MYH1: variants seen among roughly 807,000 people sequenced by gnomAD.
MYH1 encodes the protein myosin-1.
Under a neutral mutation model 225.6 loss-of-function variants are expected in MYH1, and 214 were observed. The observed-to-expected ratio is 0.95, with a 90% CI of 0.85 to 1.06. The LOEUF (loss-of-function observed/expected upper bound fraction) is 1.06, where lower values mean the gene tolerates loss of function less well. Ranked by LOEUF, MYH1 falls within the 50% of genes least tolerant of loss-of-function variation. The probability of loss-of-function intolerance (pLI) is 0.00; values close to 1 mark genes in which losing one functional copy is unlikely to be tolerated. For synonymous variants in MYH1, 774 were observed against 842.3 expected (o/e 0.92, Z 1.40); for missense variants, 2,098 against 2,344.2 (o/e 0.89, Z 2.17).
chr17:10,496,036 T>C lies in MYH1; in HGVS notation c.5083A>G (p.Thr1695Ala). The C allele has an allele frequency of 6.2e-7, 1 of 1,614,044 alleles. No individual in the cohort carries two copies. The highest frequency in any genetic ancestry group is 8.5e-7 in the Non-Finnish European group (1 of 1,179,986). Residue 1695 changes from threonine to alanine, a missense_variant, in exon 35 of 40, where the codon ACT (threonine) becomes GCT (alanine). By Grantham distance (58) the Thr-to-Ala change is moderately conservative. Transcript: ENST00000226207. ...CTGCTCCTCTCTGTCTGTTCCAGAG[T>C]GGCCCGCAGCTCCTCGATCTCAGCC... Reference protein sequence around the residue: ...LQAEIEELRATLEQTERSRKI... With the variant: ...LQAEIEELRAALEQTERSRKI...
chr17:10,500,762 A>G lies in MYH1; in HGVS notation c.3739-10T>C. On this transcript the variant is annotated splice_polypyrimidine_tract_variant and intron_variant, in intron 27 of 39. Coordinates refer to ENST00000226207, the MANE Select transcript of MYH1 (RefSeq NM_005963.4). ...TCTTTTCAAGGTTTCCCTGCATTCAAAAAGTGGTAGAAGGCATCTCAAGTA... is the reference window on the plus strand; with the variant it reads ...TCTTTTCAAGGTTTCCCTGCATTCAGAAAGTGGTAGAAGGCATCTCAAGTA... 2 of 1,614,142 alleles carry G rather than the reference A, an allele frequency of 1.2e-6. No individual in the cohort carries two copies. Among genetic ancestry groups the G allele is most frequent in the Non-Finnish European group, 8.5e-7 (1 of 1,180,010 alleles).
rs770685567 is a variant in MYH1, at chr17:10,512,005, TG to T, written c.1267-18del. The T allele has an allele frequency of 9.4e-5, 151 of 1,614,014 alleles. No individual in the cohort carries two copies. Among genetic ancestry groups the T allele is most frequent in the Non-Finnish European group, 1.2e-4 (140 of 1,180,018 alleles). On this transcript the variant is annotated intron_variant, in intron 13 of 39. Coordinates refer to ENST00000226207, the MANE Select transcript of MYH1 (RefSeq NM_005963.4). ...ATTGTACACCTTCACAGATAAAGTTTGTTGGTGTTATTAAAGACATGTCATG... is the reference window on the plus strand; with the variant it reads ...ATTGTACACCTTCACAGATAAAGTTTTTGGTGTTATTAAAGACATGTCATG...
chr17:10,517,456 AT>A (rs1323323184), intron 2 of MYH1, among the ~76,000 whole-genome samples: 2 of 152,130 alleles, frequency 1.3e-5, no homozygotes, highest in African/African-American at 2.4e-5. Flanking sequence ...TATTATTAAC[AT>A]TTTTATAACA....
At chr17:10,501,968 G>A in intron 24 of MYH1, 57 bp from the exon 25 acceptor site, 1 of 1,515,692 alleles carries the variant, frequency 6.6e-7, no homozygotes, top group Non-Finnish European at 8.9e-7. Flanking sequence ...TTTTGTCCCA[G>A]ATGAAATTTT....
Position 10,512,506 on chromosome 17 carries a change from A to G in MYH1, c.1049T>C (p.Val350Ala). 6.2e-7 allele frequency: 1 copy of G among 1,614,004 alleles called. No individual in the cohort carries two copies. Among genetic ancestry groups the G allele is most frequent in the Non-Finnish European group, 8.5e-7 (1 of 1,179,964 alleles). ...EILGFTSDER[V>A]SIYKLTGAVM... ...AGCCCCTGTGAGCTTATAGATGGAC[A>G]CTCTTTCATCTGAAGTAAAGCCCAG... Residue 350 changes from valine to alanine, a missense_variant, in exon 12 of 40, where the codon GTG (valine) becomes GCG (alanine). Transcript: ENST00000226207.
In MYH1 at chr17:10,516,030, A is replaced by T. The variant is rs758060974; in HGVS notation, c.401T>A (p.Val134Glu). The T allele has an allele frequency of 6.2e-7, 1 of 1,614,182 alleles. No homozygotes were observed. The highest frequency in any genetic ancestry group is 1.1e-5 in the South Asian group (1 of 91,082). The stretch of plus-strand genomic sequence containing the variant: ...GGCTGTCACCACCTCTGCATTATAC[A>T]CTGGCAACCACTTGTAGGGGTTGAC... ...VTVNPYKWLPVYNAEVVTAYR... is the reference protein window; with the variant it reads ...VTVNPYKWLPEYNAEVVTAYR... Residue 134 changes from valine to glutamate, a missense_variant, in exon 5 of 40, where the codon GTG becomes GAG. Transcript: ENST00000226207.
At position 10,505,257 on chromosome 17, in the gene MYH1, G is replaced by T. The variant is rs750331285; in HGVS notation, c.2341C>A (p.Arg781=). 1.9e-6 allele frequency: 3 copies of T among 1,614,082 alleles called. No individual in the cohort carries two copies. The highest frequency in any genetic ancestry group is 1.7e-5 in the Admixed American group (1 of 60,016). The change falls in exon 21 of 40, where the codon CGA becomes AGA. Residue 781 remains arginine, a synonymous_variant. Transcript: ENST00000226207. Reference sequence around the variant, plus strand: ...ATCAGCTGGGCCAGCTTCTCATCTCGCATCTCCTCTAGGAGCCCCAGAAGA... The same window carrying T: ...ATCAGCTGGGCCAGCTTCTCATCTCTCATCTCCTCTAGGAGCCCCAGAAGA... ...AGLLGLLEEM[R]DEKLAQLITR...
rs200792763 is a variant in MYH1 at position 10,502,807 on chromosome 17, C to T, written c.3042G>A (p.Leu1014=). The change falls in exon 24 of 40, where the codon CTG becomes CTA. Residue 1014 remains leucine (L), a synonymous_variant. Transcript: ENST00000226207. ...QEAHQQTLDD[L]QAEEDKVNTL... is the part of the protein sequence containing the mutation. ...TGTTGACTTTGTCCTCCTCTGCCTGCAGGTCATCCAGGGTCTGCTGGTGGG... is the reference window on the plus strand; with the variant it reads ...TGTTGACTTTGTCCTCCTCTGCCTGTAGGTCATCCAGGGTCTGCTGGTGGG... 13 of 1,614,092 alleles carry T rather than the reference C, an allele frequency of 8.1e-6. No homozygotes were observed. The highest frequency in any genetic ancestry group is 1.1e-5 in the Non-Finnish European group (13 of 1,180,006).
At chr17:10,509,697 G>T in intron 14 of MYH1, 42 bp from the exon 15 acceptor site, 2 of 1,614,078 alleles carry the variant, frequency 1.2e-6, no homozygotes, top group Non-Finnish European at 1.7e-6. Flanking sequence ...AATTTATAAT[G>T]AAATCTTCTC....
rs754766370 is a variant in MYH1, at chr17:10,513,625, CAT to C, written c.804_805del (p.Tyr269SerfsTer6). The stretch of plus-strand genomic sequence containing the variant: ...TCTATTTAGGAGGTCCTGTTACTCA[CAT>C]GTTTCAATATCAGCAGAAGCCAGTT... On this transcript the variant is annotated frameshift_variant and splice_region_variant, in exon 9 of 40. Coordinates refer to ENST00000226207, the MANE Select transcript of MYH1 (RefSeq NM_005963.4). LOFTEE classifies it high-confidence loss of function. 11 of 1,613,640 alleles carry C rather than the reference CAT, an allele frequency of 6.8e-6. No individual in the cohort carries two copies. Among genetic ancestry groups the C allele is most frequent in the Non-Finnish European group, 9.3e-6 (11 of 1,179,654 alleles).
chr17:10,507,804 T>C, intron 17 of MYH1, 82 bp downstream of exon 17: 3 of 1,167,182 alleles, frequency 2.6e-6, no homozygotes, highest in East Asian at 2.3e-5. Context: ...CTAGAATCCT[T>C]GCAAGGTTAG....
rs1413089628 is a variant in MYH1, at chr17:10,512,227, T to C, written c.1148-35A>G. On this transcript the variant is annotated intron_variant, in intron 12 of 39. Coordinates refer to ENST00000226207, the MANE Select transcript of MYH1 (RefSeq NM_005963.4). ...CATAATTCAGATACCTAATATGACTTACTCTGGGACCCACAGTTCAAAGGG... is the reference window on the plus strand; with the variant it reads ...CATAATTCAGATACCTAATATGACTCACTCTGGGACCCACAGTTCAAAGGG... 3.1e-6 allele frequency: 5 copies of C among 1,602,688 alleles called. No homozygotes were observed. The South Asian group carries it at 5.5e-5, about 18-fold the overall frequency.
At chr17:10,494,768 T>C in intron 37 of MYH1, 95 bp from the exon 38 acceptor site, 1 of 1,583,782 alleles carries the variant, frequency 6.3e-7, no homozygotes, top group Non-Finnish European at 8.6e-7. Flanking sequence ...TTATATGTAG[T>C]TTTTAATGCC....
intron 5 of MYH1, among the ~76,000 whole-genome samples, chr17:10,515,518 T>C (rs2073216427): frequency 6.6e-6 from 1 of 152,214 alleles, no homozygotes. Context: ...TGTAAAAGAA[T>C]CTAATTTATA....
chr17:10,507,652 G>C (rs537086704), intron 17 of MYH1, among the ~76,000 whole-genome samples: 7 of 152,138 alleles, frequency 4.6e-5, no homozygotes, highest in African/African-American at 1.7e-4. Context: ...TCTGCAATTC[G>C]CTTTCATCTC....
In MYH1 at chr17:10,495,058, C is replaced by T; in HGVS notation, c.5339G>A (p.Ser1780Asn). The T allele has an allele frequency of 6.2e-7, 1 of 1,614,220 alleles. No individual in the cohort carries two copies. Reference sequence around the variant, plus strand: ...CTTCTTCATCCGCTCCAGATGGGCGCTGGTGTCCTGTTCCTTCTTCAGCTC... The same window carrying T: ...CTTCTTCATCCGCTCCAGATGGGCGTTGGTGTCCTGTTCCTTCTTCAGCTC... ...AEELKKEQDT[S>N]AHLERMKKNL... Residue 1780 changes from serine to asparagine, a missense_variant, in exon 37 of 40, where the codon AGC becomes AAC. Coordinates refer to ENST00000226207, the MANE Select transcript of MYH1 (RefSeq NM_005963.4).
Position 10,499,098 on chromosome 17 carries a change from A to C in MYH1, c.3866-6T>G, listed in dbSNP as rs1172966238. 12 of 1,601,390 alleles carry C rather than the reference A, an allele frequency of 7.5e-6. No individual in the cohort carries two copies. Among genetic ancestry groups the C allele is most frequent in the Non-Finnish European group, 1.0e-5 (12 of 1,169,712 alleles). On this transcript the variant is annotated splice_region_variant and splice_polypyrimidine_tract_variant and intron_variant, in intron 28 of 39. Transcript: ENST00000226207. ...TAGCTGGCGTGAATATTCACCTGTA[A>C]AAGACCAAGTCCAGAAAACTCAACC...
rs533193095 is a variant in MYH1, at chr17:10,511,922, G to A, written c.1333C>T (p.Arg445Cys). Residue 445 changes from arginine (R) to cysteine (C), a missense_variant, in exon 14 of 40, where the codon CGC becomes TGC. Transcript: ENST00000226207. ...YDKMFLWMVTRINQQLDTKQP... is the reference protein window; with the variant it reads ...YDKMFLWMVTCINQQLDTKQP... ...TTGGTGTCCAGCTGCTGGTTGATGC[G>A]GGTGACCATCCACAAGAACATCTTA... 54 of 1,614,134 alleles carry A rather than the reference G, an allele frequency of 3.3e-5. No homozygotes were observed. The highest frequency in any genetic ancestry group is 8.0e-5 in the African/African-American group (6 of 74,992).
chr17:10,509,368 TCTC>T (rs1180746326), intron 15 of MYH1, 114 bp downstream of exon 15: 2 of 1,507,912 alleles, frequency 1.3e-6, no homozygotes, highest in Non-Finnish European at 1.8e-6. Flanking sequence ...AATAAGGAAT[TCTC>T]CTCATGTTTT....
Sources: gnomAD v4.1 joint callset for allele counts (sites outside exome capture counted in the v4.1 genomes callset) on GRCh38, gnomAD v4.1.1 for gene constraint, MANE v1.5 for transcripts, NCBI Gene and HGNC (gene_info 2026-07-23, HGNC 2026-07-21) for gene names.